SORCS1: variants seen among roughly 807,000 people sequenced by gnomAD.
SORCS1 encodes the protein sortilin related VPS10 domain containing receptor 1.
Under a neutral mutation model 146.1 loss-of-function variants are expected in SORCS1, and 60 were observed. The ratio of observed to expected loss-of-function variants is 0.41; its 90% CI spans 0.33 to 0.51. The LOEUF is 0.51. SORCS1 is among the 20% of genes least tolerant of loss of function. The pLI, the probability that SORCS1 is intolerant of heterozygous loss-of-function variation, is 0.21. For synonymous variants in SORCS1, 637 were observed against 584.0 expected, an observed-to-expected ratio of 1.09 and a Z score of -1.31; for missense variants, 1,352 against 1,487.6, an observed-to-expected ratio of 0.91 and a Z score of 1.50.
intron 18 of SORCS1, among the ~76,000 whole-genome samples, chr10:106,637,423 T>A (rs1433134426): frequency 1.3e-5 from 2 of 152,206 alleles, no homozygotes; most frequent in Non-Finnish European, 2.9e-5. Context: ...AATGTCCAAA[T>A]CCATGCATAA....
chr10:107,072,039 T>C (rs1171776548), intron 1 of SORCS1, among the ~76,000 whole-genome samples: 1 of 152,028 alleles, frequency 6.6e-6, no homozygotes, highest in African/African-American at 2.4e-5. Context: ...GTTCCTGGAG[T>C]GTTGGAAAAA....
At chr10:106,796,098 T>C (rs573545369) in intron 3 of SORCS1, among the ~76,000 whole-genome samples, 19 of 152,354 alleles carry the variant, frequency 1.2e-4, no homozygotes, top group African/African-American at 3.8e-4. Context: ...TCACCATTAA[T>C]TGATCTTCCT....
At chr10:106,645,026 C>T (rs928479565) in intron 18 of SORCS1, among the ~76,000 whole-genome samples, 1 of 152,072 alleles carries the variant, frequency 6.6e-6, no homozygotes, top group African/African-American at 2.4e-5. Context: ...ACATGTTCAG[C>T]TAGAGCAGTT....
chr10:106,744,369 T>C (rs929241291), intron 5 of SORCS1, among the ~76,000 whole-genome samples: 1 of 152,170 alleles, frequency 6.6e-6, no homozygotes. Context: ...CCTCTCAAAG[T>C]CCTGGTATTT....
intron 6 of SORCS1, among the ~76,000 whole-genome samples, chr10:106,715,400 C>T (rs563813651): frequency 5.9e-5 from 9 of 152,320 alleles, no homozygotes; most frequent in Middle Eastern, 3.4e-3. Flanking sequence ...AATCCCCATC[C>T]ACCCAAAACC....
At chr10:106,991,400 T>G (rs570056022) in intron 1 of SORCS1, among the ~76,000 whole-genome samples, 1 of 152,164 alleles carries the variant, frequency 6.6e-6, no homozygotes, top group Non-Finnish European at 1.5e-5. Context: ...CATAAAACAA[T>G]GAGAGCACTT....
At chr10:106,767,320 T>C (rs988593678) in intron 4 of SORCS1, among the ~76,000 whole-genome samples, 3 of 152,084 alleles carry the variant, frequency 2.0e-5, no homozygotes, top group Non-Finnish European at 4.4e-5. Context: ...AGGGTGGTAC[T>C]CTGAAGCTTG....
chr10:107,115,670 T>C (rs1180417684), intron 1 of SORCS1, among the ~76,000 whole-genome samples: 1 of 152,040 alleles, frequency 6.6e-6, no homozygotes, highest in African/African-American at 2.4e-5. Flanking sequence ...GTTTAAAAGC[T>C]CCCTGACATT....
At chr10:107,173,772 C>T in the SORCS1 span, among the ~76,000 whole-genome samples, 68 of 152,222 alleles carry the variant, frequency 4.5e-4, no homozygotes, top group Non-Finnish European at 7.5e-4. Context: ...TATCAATGAA[C>T]TCAGCACCAT....
At chr10:106,764,634 G>C (rs113875588) in intron 4 of SORCS1, among the ~76,000 whole-genome samples, 3 of 152,068 alleles carry the variant, frequency 2.0e-5, no homozygotes, top group African/African-American at 7.3e-5. Flanking sequence ...GCCAAGCTTA[G>C]AGAAAGATAG....
chr10:107,081,547 G>A (rs891619162), intron 1 of SORCS1, among the ~76,000 whole-genome samples: 3 of 152,128 alleles, frequency 2.0e-5, no homozygotes, highest in Non-Finnish European at 4.4e-5. Flanking sequence ...TTCTTTCTTT[G>A]CATTCTGTAG....
chr10:106,611,129 G>T (rs188436525), intron 22 of SORCS1, among the ~76,000 whole-genome samples: 78 of 151,746 alleles, frequency 5.1e-4, no homozygotes, highest in Non-Finnish European at 8.8e-5. Context: ...GTGCCTAAAA[G>T]AAGGTGTCTT....
At chr10:107,004,175 CAAAAAAAA>C (rs1190654041) in intron 1 of SORCS1, among the ~76,000 whole-genome samples, 15 of 49,580 alleles carry the variant, frequency 3.0e-4, no homozygotes, top group African/African-American at 1.3e-3. Flanking sequence ...GATCCCATCT[CAAAAAAAA>C]AAAAAAAAAA....
At chr10:107,177,885 C>A in the SORCS1 span, among the ~76,000 whole-genome samples, 1 of 152,092 alleles carries the variant, frequency 6.6e-6, no homozygotes, top group East Asian at 1.9e-4. Flanking sequence ...TTATTCTCAG[C>A]AAACAGACAT....
At chr10:106,648,121 C>T (rs1282493944) in intron 18 of SORCS1, among the ~76,000 whole-genome samples, 1 of 152,128 alleles carries the variant, frequency 6.6e-6, no homozygotes, top group South Asian at 2.1e-4. Flanking sequence ...CTTGGCCTCC[C>T]AAAATGTTGG....
chr10:106,577,186 G>T lies in SORCS1; in HGVS notation c.*234C>A, dbSNP rs754714839. 1 of 1,469,750 alleles carries T rather than the reference G, an allele frequency of 6.8e-7. No homozygotes were observed. The highest frequency in any genetic ancestry group is 9.1e-7 in the Non-Finnish European group (1 of 1,093,278). The allele number at this position is 1,469,750 out of a possible 1,614,324, so 91.0% of individuals were successfully genotyped here. ...TTGTTTATATTTTATGTTTTGTTTT[G>T]TTTTTGTTTTTGTTTTTTTACTGGC... On this transcript the variant is annotated 3_prime_UTR_variant, in exon 26 of 26. Transcript: ENST00000263054.
chr10:106,740,610 A>C (rs1384444301), intron 5 of SORCS1, among the ~76,000 whole-genome samples: 1 of 152,152 alleles, frequency 6.6e-6, no homozygotes, highest in Admixed American at 6.5e-5. Flanking sequence ...AATACAAGGC[A>C]TTTAGCTCCA....
chr10:107,002,473 T>C (rs2139632472), intron 1 of SORCS1, among the ~76,000 whole-genome samples: 1 of 152,312 alleles, frequency 6.6e-6, no homozygotes, highest in Non-Finnish European at 1.5e-5. Flanking sequence ...GCCTTGTCTC[T>C]CTCACTGTGA....
chr10:106,900,481 T>G (rs559938530), intron 2 of SORCS1, among the ~76,000 whole-genome samples: 5 of 152,232 alleles, frequency 3.3e-5, no homozygotes, highest in African/African-American at 9.6e-5. Context: ...GAATTAACAC[T>G]CACTGTAGCA....
Sources: allele counts gnomAD v4.1 joint callset (sites outside exome capture counted in the v4.1 genomes callset), GRCh38; gene constraint gnomAD v4.1.1; transcripts MANE v1.5; gene names NCBI Gene and HGNC (gene_info 2026-07-23, HGNC 2026-07-21).